Variants in TSPAN14 observed in about 807,000 individuals in gnomAD.
TSPAN14 encodes the protein tetraspanin 14.
TSPAN14 carries 16 observed loss-of-function variants against 36.6 expected under a neutral mutation model. The ratio of observed to expected loss-of-function variants is 0.44; its 90% CI spans 0.30 to 0.66. TSPAN14 has a LOEUF of 0.66. Ranked by LOEUF, TSPAN14 falls within the 30% of genes least tolerant of loss-of-function variation. The probability of loss-of-function intolerance (pLI) is 0.12; values close to 1 mark genes in which losing one functional copy is unlikely to be tolerated. For missense variants in TSPAN14, 231 were observed against 355.1 expected (o/e 0.65, Z 2.81); for synonymous variants, 139 against 143.8 (o/e 0.97, Z 0.24).
At chr10:80,458,826 G>C (rs912618223) in intron 1 of TSPAN14, among the ~76,000 whole-genome samples, 3 of 152,076 alleles carry the variant, frequency 2.0e-5, no homozygotes, top group Non-Finnish European at 4.4e-5. Flanking sequence ...CCCTGGCAGG[G>C]GGGCAGTGTC....
At chr10:80,485,011 G>C (rs1847509897) in intron 1 of TSPAN14, among the ~76,000 whole-genome samples, 1 of 152,164 alleles carries the variant, frequency 6.6e-6, no homozygotes, top group Admixed American at 6.5e-5. Context: ...TGATAAACAT[G>C]TGCCTCCTTC....
chr10:80,486,373 T>TG (rs1847597050), intron 1 of TSPAN14, among the ~76,000 whole-genome samples: 1 of 152,250 alleles, frequency 6.6e-6, no homozygotes, highest in African/African-American at 2.4e-5. Context: ...TTCCCTGTGT[T>TG]GCCACAGGAC....
At chr10:80,459,094 G>T (rs1845858411) in intron 1 of TSPAN14, among the ~76,000 whole-genome samples, 2 of 152,080 alleles carry the variant, frequency 1.3e-5, no homozygotes, top group Admixed American at 1.3e-4. Context: ...TGAGAAGCAA[G>T]ATCCAAAGCC....
rs1389711727 is a variant in TSPAN14 at position 80,504,791 on chromosome 10, G to C, written c.132+13G>C. ...ATGGAGCGAAAAGGTAGGTGTAACT[G>C]TCGCAGGACACTGAGCTTCAGGCAG... On this transcript the variant is annotated intron_variant, in intron 3 of 8. Coordinates refer to ENST00000429989, the Ensembl canonical transcript of TSPAN14. 2 of 1,614,096 alleles carry C rather than the reference G, an allele frequency of 1.2e-6. No homozygotes were observed. Among genetic ancestry groups the C allele is most frequent in the African/African-American group, 2.7e-5 (2 of 74,944 alleles).
chr10:80,489,667 G>T (rs1198534758), intron 2 of TSPAN14, among the ~76,000 whole-genome samples: 1 of 152,232 alleles, frequency 6.6e-6, no homozygotes. Flanking sequence ...CTGACTATGG[G>T]CCAGGCCCTG....
intron 1 of TSPAN14, chr10:80,485,630 T>C (rs1382820144): frequency 1.0e-6 from 1 of 985,278 alleles, no homozygotes; most frequent in Non-Finnish European, 1.2e-6. Context: ...GACCAGGATC[T>C]GCCAGCCCCA....
intron 8 of TSPAN14, among the ~76,000 whole-genome samples, chr10:80,517,419 T>G (rs545785073): frequency 1.3e-4 from 20 of 152,352 alleles, no homozygotes; most frequent in Non-Finnish European, 4.4e-5. Context: ...ATGATTTCCC[T>G]GCTCACCAAG....
Position 80,469,762 on chromosome 10 carries a change from GT to G in TSPAN14, c.-18+15394del, listed in dbSNP as rs1427216927. On this transcript the variant is annotated intron_variant, in intron 1 of 8. Coordinates refer to ENST00000429989, the Ensembl canonical transcript of TSPAN14. ...CATGGCTTCTTTGGAAAGGATTTTTGTTTGTTTTGTTTTAGCTCTGTAAATC... is the reference window on the plus strand; with the variant it reads ...CATGGCTTCTTTGGAAAGGATTTTTGTTGTTTTGTTTTAGCTCTGTAAATC... Among the ~76,000 whole-genome samples, 4 of 152,236 alleles carry G rather than the reference GT, an allele frequency of 2.6e-5. No individual in the cohort carries two copies. The East Asian group carries it at 7.7e-4, about 29-fold the overall frequency.
chr10:80,476,326 C>T (rs554892523), intron 1 of TSPAN14, among the ~76,000 whole-genome samples: 2 of 151,638 alleles, frequency 1.3e-5, no homozygotes, highest in South Asian at 2.1e-4. Flanking sequence ...GCCCAGTTTG[C>T]GCCATTGCAC....
chr10:80,512,336 C>T (rs1175794947), intron 6 of TSPAN14, 67 bp downstream of exon 6: 3 of 1,588,862 alleles, frequency 1.9e-6, no homozygotes, highest in Non-Finnish European at 2.6e-6. Flanking sequence ...TTCCTGACTC[C>T]TCCAGTGCTC....
At chr10:80,505,269 G>A (rs2132043171) in intron 3 of TSPAN14, among the ~76,000 whole-genome samples, 1 of 152,350 alleles carries the variant, frequency 6.6e-6, no homozygotes, top group Admixed American at 6.5e-5. Context: ...GGAGGAGAGG[G>A]GAGGAGTGGA....
intron 1 of TSPAN14, among the ~76,000 whole-genome samples, chr10:80,487,024 C>G (rs1847644223): frequency 6.6e-6 from 1 of 152,224 alleles, no homozygotes; most frequent in African/African-American, 2.4e-5. Flanking sequence ...GAGTTTGAGA[C>G]TAGCCTGGGC....
At chr10:80,519,609 A>G (rs937736015) in exon 9 of TSPAN14, 1 of 148,768 alleles carries the variant, frequency 6.7e-6, no homozygotes, top group African/African-American at 2.5e-5. Context: ...AAACTCTTTT[A>G]TGGAATATAT....
In TSPAN14 at chr10:80,514,045, A is replaced by T. The variant is rs1365880057; in HGVS notation, c.603A>T (p.Gly201=). The change falls in exon 7 of 9, where the codon GGA becomes GGT. Residue 201 remains glycine (G), a synonymous_variant. Coordinates refer to ENST00000429989, the Ensembl canonical transcript of TSPAN14. ...AAAAAGTTGTGAACACACAGTGTGGATATGATGTCAGGATTCAGGTGAGAA... is the reference window on the plus strand; with the variant it reads ...AAAAAGTTGTGAACACACAGTGTGGTTATGATGTCAGGATTCAGGTGAGAA... 16 of 1,613,868 alleles carry T rather than the reference A, an allele frequency of 9.9e-6. No individual in the cohort carries two copies. The Middle Eastern group carries it at 4.9e-4, about 50-fold the overall frequency.
intron 8 of TSPAN14, among the ~76,000 whole-genome samples, chr10:80,517,360 C>T (rs1840992275): frequency 6.6e-6 from 1 of 152,230 alleles, no homozygotes; most frequent in South Asian, 2.1e-4. Flanking sequence ...CCAGAGGTCA[C>T]CAAGTTCGTG....
At chr10:80,499,623 C>G (rs1848385016) in intron 2 of TSPAN14, among the ~76,000 whole-genome samples, 1 of 152,192 alleles carries the variant, frequency 6.6e-6, no homozygotes, top group Admixed American at 6.5e-5. Context: ...CTTAAGTCTG[C>G]CACCAGCTAG....
intron 2 of TSPAN14, among the ~76,000 whole-genome samples, chr10:80,496,186 C>G (rs917170924): frequency 1.3e-5 from 2 of 152,006 alleles, no homozygotes; most frequent in African/African-American, 4.8e-5. Context: ...GATTGGTGTT[C>G]TTATTTTTAT....
intron 1 of TSPAN14, among the ~76,000 whole-genome samples, chr10:80,471,957 G>A (rs1413901717): frequency 6.6e-6 from 1 of 152,132 alleles, no homozygotes; most frequent in East Asian, 1.9e-4. Flanking sequence ...CAGTAGGATG[G>A]CTTAAGCAGG....
chr10:80,465,492 C>G (rs1209434245), intron 1 of TSPAN14, among the ~76,000 whole-genome samples: 1 of 152,224 alleles, frequency 6.6e-6, no homozygotes, highest in African/African-American at 2.4e-5. Flanking sequence ...ATGAATCTGC[C>G]CACTGAGCCA....
Sources: gnomAD v4.1 joint callset for allele counts (sites outside exome capture counted in the v4.1 genomes callset) on GRCh38, gnomAD v4.1.1 for gene constraint, MANE v1.5 for transcripts, NCBI Gene and HGNC (gene_info 2026-07-23, HGNC 2026-07-21) for gene names.